The following ACTN4 variants were observed in gnomAD, a reference collection of about 807,000 sequenced individuals.
ACTN4 encodes the protein actinin alpha 4.
ACTN4 carries 18 observed loss-of-function variants against 114.2 expected under a neutral mutation model. The ratio of observed to expected loss-of-function variants is 0.16; its 90% CI spans 0.11 to 0.23. The LOEUF is 0.23. Ranked by LOEUF, ACTN4 falls within the 10% of genes least tolerant of loss-of-function variation. ACTN4 has a pLI of 1.00. For synonymous variants in ACTN4, 515 were observed against 506.3 expected (o/e 1.02, Z -0.23); for missense variants, 722 against 1,262.9 (o/e 0.57, Z 6.49).
intron 1 of ACTN4, among the ~76,000 whole-genome samples, chr19:38,670,940 C>T (rs1314630241): frequency 6.6e-6 from 1 of 151,256 alleles, no homozygotes; most frequent in Admixed American, 6.6e-5. Flanking sequence ...AAAAAAAAAC[C>T]TGCAGGCCAT....
intron 3 of ACTN4, among the ~76,000 whole-genome samples, chr19:38,703,240 T>G (rs2145002544): frequency 6.7e-6 from 1 of 149,138 alleles, no homozygotes; most frequent in African/African-American, 2.5e-5. Context: ...TCAGCAATTT[T>G]TTTTTTTTTT....
chr19:38,674,654 T>C (rs1444529316), intron 1 of ACTN4, among the ~76,000 whole-genome samples: 1 of 152,194 alleles, frequency 6.6e-6, no homozygotes, highest in Non-Finnish European at 1.5e-5. Context: ...TGACGTGACT[T>C]GCCCCAGGCC....
chr19:38,730,421 TCCCCC>T lies in ACTN4; in HGVS notation c.*990_*994del, dbSNP rs141337575. On this transcript the variant is annotated 3_prime_UTR_variant, in exon 21 of 21. Coordinates refer to ENST00000252699, the MANE Select transcript of ACTN4 (RefSeq NM_004924.6). ...GCTGCCTGGTGGTTGATGGTTTTGCTCCCCCTACCTTTTTTTTTTGAGTTTATTCT... is the reference window on the plus strand; with the variant it reads ...GCTGCCTGGTGGTTGATGGTTTTGCTTACCTTTTTTTTTTGAGTTTATTCT... 515 of 182,656 alleles carry T rather than the reference TCCCCC, an allele frequency of 2.8e-3. 1 individual carries two copies. The highest frequency in any genetic ancestry group is 4.7e-3 in the Non-Finnish European group (405 of 86,132). The allele number at this position is 182,656 out of a possible 1,614,324, so 11.3% of individuals were successfully genotyped here. A position where few individuals can be genotyped will look rare whatever the true frequency, so the allele number is the denominator to read the frequency against.
At chr19:38,678,749 A>T (rs1462240990) in intron 1 of ACTN4, among the ~76,000 whole-genome samples, 8 of 152,074 alleles carry the variant, frequency 5.3e-5, no homozygotes, top group Non-Finnish European at 1.2e-4. Context: ...GTGGTGACCA[A>T]TCCCGTGGAA....
intron 1 of ACTN4, among the ~76,000 whole-genome samples, chr19:38,679,785 C>T (rs1032301449): frequency 1.3e-5 from 2 of 151,994 alleles, no homozygotes; most frequent in Non-Finnish European, 2.9e-5. Flanking sequence ...TGTGAGCCAC[C>T]GCACCCGGCC....
chr19:38,726,931 A>G, intron 17 of ACTN4, 26 bp from the exon 18 acceptor site: 1 of 1,613,120 alleles, frequency 6.2e-7, no homozygotes, highest in South Asian at 1.1e-5. Flanking sequence ...CACCCGGCCC[A>G]CGATCACGCC....
At chr19:38,696,979 T>A (rs575713985) in intron 1 of ACTN4, among the ~76,000 whole-genome samples, 1 of 152,342 alleles carries the variant, frequency 6.6e-6, no homozygotes, top group Non-Finnish European at 1.5e-5. Context: ...ACATGTGTCC[T>A]TGTGTTTAAT....
chr19:38,656,136 C>A (rs1388238487), intron 1 of ACTN4, among the ~76,000 whole-genome samples: 1 of 151,976 alleles, frequency 6.6e-6, no homozygotes, highest in Non-Finnish European at 1.5e-5. Flanking sequence ...TTTTTTGAGA[C>A]AGGGTGTCAC....
At chr19:38,664,698 G>A (rs909442337) in intron 1 of ACTN4, among the ~76,000 whole-genome samples, 4 of 152,130 alleles carry the variant, frequency 2.6e-5, no homozygotes, top group Non-Finnish European at 4.4e-5. Flanking sequence ...GAGGGCTGGG[G>A]GATATTAGCA....
intron 1 of ACTN4, among the ~76,000 whole-genome samples, chr19:38,658,783 A>T (rs1976784873): frequency 1.3e-5 from 2 of 152,198 alleles, no homozygotes; most frequent in Admixed American, 6.5e-5. Flanking sequence ...CAAGTCCTGG[A>T]AGGTATCCAG....
intron 1 of ACTN4, chr19:38,648,187 C>A: frequency 6.0e-6 from 2 of 332,176 alleles, no homozygotes; most frequent in Non-Finnish European, 1.1e-5. Context: ...AGGGTCTGGG[C>A]GTGCCATTAG....
intron 1 of ACTN4, among the ~76,000 whole-genome samples, chr19:38,677,953 C>T (rs1967431932): frequency 6.6e-6 from 1 of 152,154 alleles, no homozygotes; most frequent in African/African-American, 2.4e-5. Flanking sequence ...TCTCAAACTC[C>T]TGGCCTCAAG....
chr19:38,653,751 A>G (rs1272559359), intron 1 of ACTN4, among the ~76,000 whole-genome samples: 3 of 152,256 alleles, frequency 2.0e-5, no homozygotes, highest in African/African-American at 7.2e-5. Context: ...TAAACAAGGT[A>G]AAACTTAAAC....
intron 17 of ACTN4, 117 bp downstream of exon 17, chr19:38,726,020 A>T: frequency 7.1e-7 from 1 of 1,414,102 alleles, no homozygotes; most frequent in Non-Finnish European, 9.8e-7. Flanking sequence ...CACTCTGTTT[A>T]AAAATTATTG....
chr19:38,691,674 G>T (rs1003422124), intron 1 of ACTN4, among the ~76,000 whole-genome samples: 1 of 152,056 alleles, frequency 6.6e-6, no homozygotes, highest in Non-Finnish European at 1.5e-5. Context: ...AGGCTGAGGC[G>T]GGTGGATTAC....
At chr19:38,692,672 C>T (rs568136974) in intron 1 of ACTN4, among the ~76,000 whole-genome samples, 1 of 152,326 alleles carries the variant, frequency 6.6e-6, no homozygotes, top group South Asian at 2.1e-4. Context: ...CCCAGTGGGG[C>T]TAGGCCTTGC....
At chr19:38,694,915 C>T (rs1300422663) in intron 1 of ACTN4, among the ~76,000 whole-genome samples, 1 of 152,178 alleles carries the variant, frequency 6.6e-6, no homozygotes, top group Non-Finnish European at 1.5e-5. Flanking sequence ...GGCTCTGTCA[C>T]CGAGGCTGGA....
chr19:38,651,560 T>C (rs1976562157), intron 1 of ACTN4, among the ~76,000 whole-genome samples: 1 of 152,166 alleles, frequency 6.6e-6, no homozygotes, highest in African/African-American at 2.4e-5. Flanking sequence ...ACTCACTTGC[T>C]AAGTTTTCGT....
At chr19:38,728,310 G>T in intron 19 of ACTN4, 1 of 1,514,630 alleles carries the variant, frequency 6.6e-7, no homozygotes, top group South Asian at 1.2e-5. Flanking sequence ...TGCGTCCTCG[G>T]AGCAGAAGCA....
Sources: allele counts gnomAD v4.1 joint callset (sites outside exome capture counted in the v4.1 genomes callset), GRCh38; gene constraint gnomAD v4.1.1; transcripts MANE v1.5; gene names NCBI Gene and HGNC (gene_info 2026-07-23, HGNC 2026-07-21).